Variants in FOXL2NB observed in about 807,000 individuals in gnomAD.
FOXL2NB encodes the protein FOXL2 neighbor, also known as FOXL2 neighbor protein.
A neutral mutation model predicts 7.4 loss-of-function variants in FOXL2NB; 10 were observed. The ratio of observed to expected loss-of-function variants is 1.34; its 90% confidence interval spans 0.83 to 2.28. The LOEUF is 2.28. FOXL2NB is among the 30% of genes most tolerant of loss of function. The probability of loss-of-function intolerance (pLI) is 0.00; values close to 1 mark genes in which losing one functional copy is unlikely to be tolerated. For missense variants in FOXL2NB, 228 were observed against 233.9 expected (o/e 0.97, Z 0.17); for synonymous variants, 104 against 105.3 (o/e 0.99, Z 0.08).
In FOXL2NB at chr3:138,947,335, C is replaced by T; in HGVS notation, c.-30C>T. The T allele has an allele frequency of 6.6e-7, 1 of 1,522,828 alleles. No individual in the cohort carries two copies. The highest frequency in any genetic ancestry group is 1.2e-5 in the South Asian group (1 of 82,976). The allele number at this position is 1,522,828 out of a possible 1,614,324, so 94.3% of individuals were successfully genotyped here. The stretch of plus-strand genomic sequence containing the variant: ...AGGCTCACGCGCCCTTGAAATCTGC[C>T]GGTACTCGCTCTGCGGGCTGGGCTG... On this transcript the variant is annotated 5_prime_UTR_variant, in exon 1 of 3. Transcript: ENST00000383165. The surrounding 1 kb of genome is among the most constrained non-coding windows in gnomAD (Gnocchi z 5.2).
At position 138,947,527 on chromosome 3, in the gene FOXL2NB, C is replaced by T; in HGVS notation, c.100+63C>T. The T allele has an allele frequency of 1.5e-6, 2 of 1,298,304 alleles. No homozygotes were observed. The highest frequency in any genetic ancestry group is 2.0e-6 in the Non-Finnish European group (2 of 976,172). 80.4% of individuals were successfully genotyped at this position (1,298,304 alleles called of 1,614,324 possible). A position where few individuals can be genotyped will look rare whatever the true frequency, so the allele number is the denominator to read the frequency against. On this transcript the variant is annotated intron_variant, in intron 1 of 2. Transcript: ENST00000383165. This position sits in a 1 kb window ranked among gnomAD's most constrained non-coding sequence, Gnocchi z 5.2. ...CCGTCTTGAGGCTGAACTTCTAGCT[C>T]GGGGCTGGGGAGGGGCGAGACGGCG... is the stretch of plus-strand genomic sequence containing the variant.
Position 138,950,581 on chromosome 3 carries a change from C to G in FOXL2NB, c.*9C>G. 1.9e-6 allele frequency: 3 copies of G among 1,613,588 alleles called. No individual in the cohort carries two copies. The highest frequency in any genetic ancestry group is 1.3e-5 in the African/African-American group (1 of 75,026). On this transcript the variant is annotated 3_prime_UTR_variant, in exon 3 of 3. Transcript: ENST00000383165. The stretch of plus-strand genomic sequence containing the variant: ...TTCACTGTGTCTATTAGTACATCCC[C>G]ATACACTCCACGCCTCAACAACTGT...
In FOXL2NB at chr3:138,947,568, G is replaced by T; in HGVS notation, c.100+104G>T. ...CGAGACGGCGAGGGGGCTGGACGGG[G>T]TAGGGTGGGGAGAGCTGCTCTGAGG... On this transcript the variant is annotated intron_variant, in intron 1 of 2. Transcript: ENST00000383165. This position sits in a 1 kb window ranked among gnomAD's most constrained non-coding sequence, Gnocchi z 5.2. 1.4e-6 allele frequency: 2 copies of T among 1,425,676 alleles called. No homozygotes were observed. The highest frequency in any genetic ancestry group is 2.6e-5 in the Admixed American group (1 of 37,962). The allele number at this position is 1,425,676 out of a possible 1,614,324, so 88.3% of individuals were successfully genotyped here.
Position 138,949,373 on chromosome 3 carries a change from T to TGTGTGTGTATGCATGTGC in FOXL2NB, c.101-138_101-121dup. 1 of 897,572 alleles carries TGTGTGTGTATGCATGTGC rather than the reference T, an allele frequency of 1.1e-6. No homozygotes were observed. The allele number at this position is 897,572 out of a possible 1,614,324, so 55.6% of individuals were successfully genotyped here. On this transcript the variant is annotated intron_variant, in intron 1 of 2. Transcript: ENST00000383165. This position sits in a 1 kb window ranked among gnomAD's most constrained non-coding sequence, Gnocchi z 4.5. Reference sequence around the variant, plus strand: ...CTCCCTTTTCAGCCTTTAAAGAGCCTGTGTGTGTATGCATGTGCGTGTGTG... The same window carrying TGTGTGTGTATGCATGTGC: ...CTCCCTTTTCAGCCTTTAAAGAGCCTGTGTGTGTATGCATGTGCGTGTGTGTATGCATGTGCGTGTGTG...
Position 138,953,850 on chromosome 3 carries a change from G to A in FOXL2NB, c.*3278G>A, listed in dbSNP as rs1936180442. Among the ~76,000 whole-genome samples the A allele has an allele frequency of 6.6e-6, 1 of 152,112 alleles. No individual in the cohort carries two copies. The highest frequency in any genetic ancestry group is 2.4e-5 in the African/African-American group (1 of 41,404). ...GTGCAACATATTTTTAATATTCACT[G>A]GTCTTGTTGCATGTGTCAGACATTT... is the stretch of plus-strand genomic sequence containing the variant. On this transcript the variant is annotated 3_prime_UTR_variant, in exon 3 of 3. Transcript: ENST00000383165.
In FOXL2NB at chr3:138,949,731, A is replaced by G; in HGVS notation, c.220+92A>G. 2 of 1,567,326 alleles carry G rather than the reference A, an allele frequency of 1.3e-6. No individual in the cohort carries two copies. The highest frequency in any genetic ancestry group is 1.8e-6 in the Non-Finnish European group (2 of 1,142,386). ...AAAAGCCAGGGGCTTCGGGCTGGAGATAGAGGAATCTAGGGAGAGAACAGA... is the reference window on the plus strand; with the variant it reads ...AAAAGCCAGGGGCTTCGGGCTGGAGGTAGAGGAATCTAGGGAGAGAACAGA... On this transcript the variant is annotated intron_variant, in intron 2 of 2. Coordinates refer to ENST00000383165, the MANE Select transcript of FOXL2NB (RefSeq NM_001040061.3). The surrounding 1 kb of genome is among the most constrained non-coding windows in gnomAD (Gnocchi z 4.5).
Position 138,947,639 on chromosome 3 carries a change from C to A in FOXL2NB, c.100+175C>A. The A allele has an allele frequency of 7.2e-7, 1 of 1,384,060 alleles. No individual in the cohort carries two copies. Among genetic ancestry groups the A allele is most frequent in the Non-Finnish European group, 9.3e-7 (1 of 1,072,306 alleles). 85.7% of individuals were successfully genotyped at this position (1,384,060 alleles called of 1,614,324 possible). A position where few individuals can be genotyped will look rare whatever the true frequency, so the allele number is the denominator to read the frequency against. Reference sequence around the variant, plus strand: ...AAACGGGTGTGACTGTACGAAGAAGCCTCGGCCTGGCCTGTCCCTCGCGCT... The same window carrying A: ...AAACGGGTGTGACTGTACGAAGAAGACTCGGCCTGGCCTGTCCCTCGCGCT... On this transcript the variant is annotated intron_variant, in intron 1 of 2. Coordinates refer to ENST00000383165, the MANE Select transcript of FOXL2NB (RefSeq NM_001040061.3). The surrounding 1 kb of genome is among the most constrained non-coding windows in gnomAD (Gnocchi z 5.2).
At chr3:138,948,104 G>A in intron 1 of FOXL2NB, 1 of 468,076 alleles carries the variant, frequency 2.1e-6, no homozygotes, top group Non-Finnish European at 2.8e-6. Context: ...TAGAGTAAAT[G>A]TAGCTGGTGG....
Position 138,950,922 on chromosome 3 carries a change from C to T in FOXL2NB, c.*350C>T. ...ATGGGCTCCAGGTTTACAAGCCTGA[C>T]TCCGAGAAGCCTGTTGATTCTCTGA... On this transcript the variant is annotated 3_prime_UTR_variant, in exon 3 of 3. Transcript: ENST00000383165. 2 of 293,696 alleles carry T rather than the reference C, an allele frequency of 6.8e-6. No individual in the cohort carries two copies. The highest frequency in any genetic ancestry group is 1.3e-5 in the Non-Finnish European group (2 of 158,554). The allele number at this position is 293,696 out of a possible 1,614,324, so 18.2% of individuals were successfully genotyped here.
Position 138,949,859 on chromosome 3 carries a change from T to C in FOXL2NB, c.220+220T>C. Reference sequence around the variant, plus strand: ...TCTCAACCTTCGGAGGTAGGCTGGTTGCTGGCGAGGTCGGGATCCTCTCTG... The same window carrying C: ...TCTCAACCTTCGGAGGTAGGCTGGTCGCTGGCGAGGTCGGGATCCTCTCTG... On this transcript the variant is annotated intron_variant, in intron 2 of 2. Transcript: ENST00000383165. The surrounding 1 kb of genome is among the most constrained non-coding windows in gnomAD (Gnocchi z 4.5). The C allele has an allele frequency of 2.8e-6, 2 of 721,660 alleles. No individual in the cohort carries two copies. Among genetic ancestry groups the C allele is most frequent in the East Asian group, 5.5e-5 (2 of 36,540 alleles). 44.7% of individuals were successfully genotyped at this position (721,660 alleles called of 1,614,324 possible).
chr3:138,947,325 T>G lies in FOXL2NB; in HGVS notation c.-40T>G. The G allele has an allele frequency of 6.6e-7, 1 of 1,506,306 alleles. No homozygotes were observed. Among genetic ancestry groups the G allele is most frequent in the Non-Finnish European group, 9.0e-7 (1 of 1,112,216 alleles). The allele number at this position is 1,506,306 out of a possible 1,614,324, so 93.3% of individuals were successfully genotyped here. A position where few individuals can be genotyped will look rare whatever the true frequency, so the allele number is the denominator to read the frequency against. ...GCCGACAGCCAGGCTCACGCGCCCT[T>G]GAAATCTGCCGGTACTCGCTCTGCG... On this transcript the variant is annotated 5_prime_UTR_variant, in exon 1 of 3. Transcript: ENST00000383165. The surrounding 1 kb of genome is among the most constrained non-coding windows in gnomAD (Gnocchi z 5.2).
rs1936156498 is a variant in FOXL2NB at position 138,952,683 on chromosome 3, T to TTTTG, written c.*2114_*2115insGTTT. 6.6e-6 allele frequency: 1 copy of TTTTG among 150,442 alleles called. No homozygotes were observed. The highest frequency in any genetic ancestry group is 2.1e-4 in the South Asian group (1 of 4,766). The allele number at this position is 150,442 out of a possible 1,614,324, so 9.3% of individuals were successfully genotyped here. A position where few individuals can be genotyped will look rare whatever the true frequency, so the allele number is the denominator to read the frequency against. On this transcript the variant is annotated 3_prime_UTR_variant, in exon 3 of 3. Coordinates refer to ENST00000383165, the MANE Select transcript of FOXL2NB (RefSeq NM_001040061.3). Reference sequence around the variant, plus strand: ...TGTGAGCCAACACACTCAGCTAATTTTTTTTTTTTTTTTTTGGTATTTTTG... The same window carrying TTTTG: ...TGTGAGCCAACACACTCAGCTAATTTTTTGTTTTTTTTTTTTTTTGGTATTTTTG...
In FOXL2NB at chr3:138,953,243, A is replaced by T. The variant is rs1200710628; in HGVS notation, c.*2671A>T. ...TGGCCAGGCTAGTCTTGAACTCCTA[A>T]CCTCAAGTGATCTGCCTATTTTGGC... On this transcript the variant is annotated 3_prime_UTR_variant, in exon 3 of 3. Coordinates refer to ENST00000383165, the MANE Select transcript of FOXL2NB (RefSeq NM_001040061.3). 1 of 152,132 alleles carries T rather than the reference A, an allele frequency of 6.6e-6. No individual in the cohort carries two copies. Among genetic ancestry groups the T allele is most frequent in the Non-Finnish European group, 1.5e-5 (1 of 68,044 alleles). 9.4% of individuals were successfully genotyped at this position (152,132 alleles called of 1,614,324 possible).
chr3:138,950,019 C>T, intron 2 of FOXL2NB: 1 of 703,702 alleles, frequency 1.4e-6, no homozygotes, highest in Non-Finnish European at 2.6e-6. Context: ...GGGTGGTGGG[C>T]TGGGCAGAAC....
In FOXL2NB at chr3:138,950,727, C is replaced by T; in HGVS notation, c.*155C>T. 2 of 734,756 alleles carry T rather than the reference C, an allele frequency of 2.7e-6. No homozygotes were observed. Among genetic ancestry groups the T allele is most frequent in the Non-Finnish European group, 4.5e-6 (2 of 444,400 alleles). 45.5% of individuals were successfully genotyped at this position (734,756 alleles called of 1,614,324 possible). On this transcript the variant is annotated 3_prime_UTR_variant, in exon 3 of 3. Coordinates refer to ENST00000383165, the MANE Select transcript of FOXL2NB (RefSeq NM_001040061.3). ...TTCTCTCTCCTTCTCCCTCTGTCAA[C>T]TCCAAATCCCCTCTAGTTCTCCCTC...
At position 138,951,759 on chromosome 3, in the gene FOXL2NB, T is replaced by C. The variant is rs544187031; in HGVS notation, c.*1187T>C. The C allele has an allele frequency of 1.3e-5, 2 of 152,386 alleles. No homozygotes were observed. The highest frequency in any genetic ancestry group is 3.9e-4 in the East Asian group (2 of 5,178). The allele number at this position is 152,386 out of a possible 1,614,324, so 9.4% of individuals were successfully genotyped here. On this transcript the variant is annotated 3_prime_UTR_variant, in exon 3 of 3. Transcript: ENST00000383165. ...GCCTCAGGCTTGCTGGGGAACATGA[T>C]GTGTTCTTAAAAGTTGCCTTGTTGC...
chr3:138,950,335 G>A lies in FOXL2NB; in HGVS notation c.291G>A (p.Gly97=). Residue 97 remains glycine, a synonymous_variant, in exon 3 of 3, where the codon GGG becomes GGA. Transcript: ENST00000383165. Reference sequence around the variant, plus strand: ...CTTCCGGCGGCCCAGCTCTACTAGGGAAGCGTCGCGGCTGCTCTGAGGCAG... The same window carrying A: ...CTTCCGGCGGCCCAGCTCTACTAGGAAAGCGTCGCGGCTGCTCTGAGGCAG... The part of the protein sequence containing the change: ...PRASGGPALL[G]KRRGCSEAGS... The A allele has an allele frequency of 6.2e-7, 1 of 1,610,386 alleles. No homozygotes were observed. The highest frequency in any genetic ancestry group is 1.3e-5 in the African/African-American group (1 of 74,840).
In FOXL2NB at chr3:138,947,630, A is replaced by G; in HGVS notation, c.100+166A>G. 7.2e-7 allele frequency: 1 copy of G among 1,392,578 alleles called. No homozygotes were observed. The highest frequency in any genetic ancestry group is 9.3e-7 in the Non-Finnish European group (1 of 1,076,004). The allele number at this position is 1,392,578 out of a possible 1,614,324, so 86.3% of individuals were successfully genotyped here. A position where few individuals can be genotyped will look rare whatever the true frequency, so the allele number is the denominator to read the frequency against. ...TCAGCCCAGAAACGGGTGTGACTGT[A>G]CGAAGAAGCCTCGGCCTGGCCTGTC... On this transcript the variant is annotated intron_variant, in intron 1 of 2. Coordinates refer to ENST00000383165, the MANE Select transcript of FOXL2NB (RefSeq NM_001040061.3). This position sits in a 1 kb window ranked among gnomAD's most constrained non-coding sequence, Gnocchi z 5.2.
chr3:138,947,620 G>A lies in FOXL2NB; in HGVS notation c.100+156G>A. ...TTTGGGAAAGTCAGCCCAGAAACGG[G>A]TGTGACTGTACGAAGAAGCCTCGGC... is the stretch of plus-strand genomic sequence containing the variant. On this transcript the variant is annotated intron_variant, in intron 1 of 2. Coordinates refer to ENST00000383165, the MANE Select transcript of FOXL2NB (RefSeq NM_001040061.3). The surrounding 1 kb of genome is among the most constrained non-coding windows in gnomAD (Gnocchi z 5.2). 7.1e-7 allele frequency: 1 copy of A among 1,404,568 alleles called. No homozygotes were observed. Among genetic ancestry groups the A allele is most frequent in the Non-Finnish European group, 9.2e-7 (1 of 1,081,180 alleles). 87.0% of individuals were successfully genotyped at this position (1,404,568 alleles called of 1,614,324 possible).
Sources: gnomAD v4.1 joint callset for allele counts (sites outside exome capture counted in the v4.1 genomes callset) on GRCh38, gnomAD v4.1.1 for gene constraint, Gnocchi (gnomAD v3.1) non-coding constraint, MANE v1.5 for transcripts, NCBI Gene and HGNC (gene_info 2026-07-23, HGNC 2026-07-21) for gene names.